Variants in CHST8 observed in about 807,000 individuals in gnomAD.
CHST8 encodes GALNAC-4-ST1.
A neutral mutation model predicts 15.0 loss-of-function variants in CHST8; 10 were observed. That is an observed-to-expected ratio of 0.67 (90% CI 0.41 to 1.13). CHST8 has a LOEUF of 1.13. CHST8 is among the 50% of genes most tolerant of loss of function. The pLI is 0.00. For synonymous variants in CHST8, 259 were observed against 256.6 expected, an observed-to-expected ratio of 1.01 and a Z score of -0.09; for missense variants, 634 against 608.2, an observed-to-expected ratio of 1.04 and a Z score of -0.45.
intron 3 of CHST8, among the ~76,000 whole-genome samples, chr19:33,717,415 C>T (rs1451407373): frequency 3.3e-5 from 5 of 150,856 alleles, no homozygotes; most frequent in Admixed American, 3.3e-4. Flanking sequence ...GAGCCGAGAT[C>T]ACACCACTGC....
intron 3 of CHST8, among the ~76,000 whole-genome samples, chr19:33,702,578 G>A (rs1973362031): frequency 6.6e-6 from 1 of 152,232 alleles, no homozygotes; most frequent in African/African-American, 2.4e-5. Context: ...CATTATGTGG[G>A]GGCCTGGGCA....
At position 33,696,116 on chromosome 19, in the gene CHST8, G is replaced by A. The variant is rs370623086; in HGVS notation, c.130+6725G>A. On this transcript the variant is annotated intron_variant, in intron 3 of 4. Transcript: ENST00000650847. ...GCTGGGATTGCAGGCGTGAGCCACCGCACCCGGTCACCACATTTTCTTTAT... is the reference window on the plus strand; with the variant it reads ...GCTGGGATTGCAGGCGTGAGCCACCACACCCGGTCACCACATTTTCTTTAT... Among the ~76,000 whole-genome samples, 22 of 152,098 alleles carry A rather than the reference G, an allele frequency of 1.4e-4. No individual in the cohort carries two copies. The South Asian group carries it at 4.6e-3, about 32-fold the overall frequency.
At chr19:33,732,996 T>G (rs931532367) in intron 3 of CHST8, among the ~76,000 whole-genome samples, 1 of 152,190 alleles carries the variant, frequency 6.6e-6, no homozygotes. Context: ...GGTTTGATTA[T>G]GAGTAATCAA....
chr19:33,675,555 T>C (rs956442942), intron 2 of CHST8, among the ~76,000 whole-genome samples: 1 of 152,246 alleles, frequency 6.6e-6, no homozygotes, highest in Admixed American at 6.5e-5. Context: ...GGTCTCACAC[T>C]GCACGTGGTT....
At chr19:33,759,430 A>G (rs1974671165) in intron 3 of CHST8, among the ~76,000 whole-genome samples, 1 of 152,200 alleles carries the variant, frequency 6.6e-6, no homozygotes, top group African/African-American at 2.4e-5. Flanking sequence ...CTGTGAGGTC[A>G]CGGCTGCTGA....
chr19:33,750,634 G>T (rs1974399045), intron 3 of CHST8, among the ~76,000 whole-genome samples: 1 of 152,182 alleles, frequency 6.6e-6, no homozygotes. Context: ...CTCTTAATTG[G>T]TTGCCCATAG....
intron 1 of CHST8, among the ~76,000 whole-genome samples, chr19:33,650,319 T>C (rs1222388885): frequency 1.3e-5 from 2 of 152,084 alleles, no homozygotes; most frequent in African/African-American, 2.4e-5. Flanking sequence ...TAGGATTTTC[T>C]TTTTAGTTCT....
chr19:33,764,995 C>A (rs928361827), intron 3 of CHST8, among the ~76,000 whole-genome samples: 1 of 149,202 alleles, frequency 6.7e-6, no homozygotes, highest in Non-Finnish European at 1.5e-5. Context: ...TCCAGTCTCA[C>A]CCAGGTGGCT....
intron 1 of CHST8, among the ~76,000 whole-genome samples, chr19:33,653,459 C>T (rs948029533): frequency 2.6e-5 from 4 of 152,114 alleles, no homozygotes; most frequent in African/African-American, 4.8e-5. Context: ...TTTATTTTTC[C>T]TACTTGGAAG....
At chr19:33,659,688 A>T (rs926071123) in intron 1 of CHST8, among the ~76,000 whole-genome samples, 2 of 152,034 alleles carry the variant, frequency 1.3e-5, no homozygotes, top group Non-Finnish European at 2.9e-5. Flanking sequence ...CTTGTGCCTG[A>T]AATCCCAGCT....
chr19:33,686,959 C>A (rs1047951885), intron 2 of CHST8, among the ~76,000 whole-genome samples: 1 of 152,260 alleles, frequency 6.6e-6, no homozygotes, highest in Non-Finnish European at 1.5e-5. Context: ...TCCCGAGAGA[C>A]CTTGCAGGTT....
At chr19:33,759,945 G>T (rs1038834345) in intron 3 of CHST8, among the ~76,000 whole-genome samples, 14 of 152,034 alleles carry the variant, frequency 9.2e-5, no homozygotes, top group African/African-American at 3.4e-4. Context: ...GCTGCTCCCC[G>T]CTCCCACCCC....
intron 2 of CHST8, chr19:33,684,981 A>G (rs889521392): frequency 2.0e-5 from 3 of 152,226 alleles, no homozygotes; most frequent in Non-Finnish European, 4.4e-5. Context: ...GTGTGGTGCA[A>G]GGAGACCCAC....
chr19:33,624,651 C>G (rs1281416827), intron 1 of CHST8, among the ~76,000 whole-genome samples: 1 of 152,184 alleles, frequency 6.6e-6, no homozygotes, highest in Non-Finnish European at 1.5e-5. Context: ...GTCTTCAGTT[C>G]TCTTAAAAAG....
intron 1 of CHST8, among the ~76,000 whole-genome samples, chr19:33,659,586 T>TTGGGAGGCCGAGG (rs1179368692): frequency 2.6e-5 from 4 of 152,124 alleles, no homozygotes; most frequent in African/African-American, 9.7e-5. Flanking sequence ...TGTAATCCCT[T>TTGGGAGGCCGAGG]TGGGAGGCCG....
At chr19:33,759,320 C>T (rs146667355) in intron 3 of CHST8, among the ~76,000 whole-genome samples, 3,172 of 152,346 alleles carry the variant, frequency 0.021, 53 homozygotes, top group Non-Finnish European at 0.027. Context: ...AAATGAGGTG[C>T]CTTCCTGCAG....
chr19:33,631,548 C>T (rs1159487238), intron 1 of CHST8, among the ~76,000 whole-genome samples: 1 of 152,208 alleles, frequency 6.6e-6, no homozygotes, highest in Non-Finnish European at 1.5e-5. Context: ...GGATTACCAC[C>T]TTGGTGTGCG....
chr19:33,665,407 G>A (rs78798817), intron 1 of CHST8, among the ~76,000 whole-genome samples: 1 of 152,132 alleles, frequency 6.6e-6, no homozygotes, highest in East Asian at 1.9e-4. Flanking sequence ...ATAATGTGAA[G>A]GCACCCACAG....
At chr19:33,734,374 T>C (rs1974045250) in intron 3 of CHST8, among the ~76,000 whole-genome samples, 1 of 152,194 alleles carries the variant, frequency 6.6e-6, no homozygotes. Context: ...CCATTCTTCA[T>C]TCCTTTACTT....
Sources: allele counts gnomAD v4.1 joint callset (sites outside exome capture counted in the v4.1 genomes callset), GRCh38; gene constraint gnomAD v4.1.1; transcripts MANE v1.5; gene names NCBI Gene and HGNC (gene_info 2026-07-23, HGNC 2026-07-21).